Variants in NLGN4X observed in about 807,000 individuals in gnomAD.
NLGN4X encodes neuroligin-4, X-linked.
In NLGN4X, 3 loss-of-function variants were observed where a neutral mutation model predicts 40.3. That is an observed-to-expected ratio of 0.07 (90% CI 0.03 to 0.19). The LOEUF is 0.19. Among genes scored for constraint, NLGN4X ranks in the 10% least tolerant of loss-of-function variants. NLGN4X has a pLI of 1.00. For synonymous variants in NLGN4X, 270 were observed against 306.8 expected (o/e 0.88, Z 1.25); for missense variants, 382 against 708.3 (o/e 0.54, Z 5.23).
chrX:6,105,495 G>A (rs186863343), intron 2 of NLGN4X, among the ~76,000 whole-genome samples: 154 of 112,010 alleles, frequency 1.4e-3, no homozygotes, highest in African/African-American at 4.5e-3. Flanking sequence ...GTGAACAAAC[G>A]TAGGTGGGTT....
chrX:6,013,563 G>A (rs1015352240), intron 3 of NLGN4X, among the ~76,000 whole-genome samples: 10 of 111,395 alleles, frequency 9.0e-5, no homozygotes, highest in African/African-American at 2.0e-4. Context: ...GACCACAGCC[G>A]TCAAGGACCT....
intron 3 of NLGN4X, among the ~76,000 whole-genome samples, chrX:5,975,418 C>T (rs1220593436): frequency 9.1e-6 from 1 of 109,804 alleles, no homozygotes; most frequent in East Asian, 2.9e-4. Flanking sequence ...TGAGAGCAGG[C>T]TGGCCAACTT....
rs757092740 is a variant in NLGN4X, at chrX:6,057,668, T to A, written c.473-28236A>T. Among the ~76,000 whole-genome samples the A allele has an allele frequency of 1.3e-3, 149 of 112,095 alleles. 1 individual carries two copies. Among genetic ancestry groups the A allele is most frequent in the Non-Finnish European group, 2.4e-3 (129 of 53,182 alleles). ...ATGCTGTGGTCATTGTTACAGACAA[T>A]TAGGCTAATTTAGCTTGATAAATCT... On this transcript the variant is annotated intron_variant, in intron 2 of 5. Coordinates refer to ENST00000381095, the MANE Select transcript of NLGN4X (RefSeq NM_181332.3).
intron 3 of NLGN4X, among the ~76,000 whole-genome samples, chrX:5,934,865 C>T (rs1009061262): frequency 4.5e-5 from 5 of 111,973 alleles, no homozygotes. Context: ...ATGTAGTCCA[C>T]AAATCAAGGA....
chrX:6,050,809 A>ATCT (rs397952476), intron 2 of NLGN4X, among the ~76,000 whole-genome samples: 29 of 110,874 alleles, frequency 2.6e-4, no homozygotes, highest in African/African-American at 4.3e-4. Flanking sequence ...CTATCTATCT[A>ATCT]ACTATCTATA....
chrX:6,183,983 CAGTT>C (rs1295239057), intron 1 of NLGN4X, among the ~76,000 whole-genome samples: 12 of 112,336 alleles, frequency 1.1e-4, no homozygotes, highest in Non-Finnish European at 2.1e-4. Context: ...TATTCACTCT[CAGTT>C]AATTAACTGA....
At chrX:5,898,651 TC>T (rs889071989) in intron 5 of NLGN4X, among the ~76,000 whole-genome samples, 5 of 111,059 alleles carry the variant, frequency 4.5e-5, no homozygotes, top group African/African-American at 1.6e-4. Flanking sequence ...TGCGATCCTT[TC>T]TCCACGGCAC....
intron 1 of NLGN4X, among the ~76,000 whole-genome samples, chrX:6,157,370 A>G (rs991170011): frequency 8.9e-6 from 1 of 112,096 alleles, no homozygotes; most frequent in African/African-American, 3.2e-5. Flanking sequence ...GAATTGGATA[A>G]GAGGATATTC....
intron 2 of NLGN4X, among the ~76,000 whole-genome samples, chrX:6,100,316 T>C (rs142876565): frequency 2.5e-3 from 287 of 112,698 alleles, no homozygotes; most frequent in African/African-American, 8.7e-3. Flanking sequence ...AGATTTTGTT[T>C]TGGCCAGTTT....
chrX:6,067,246 C>T (rs150641974), intron 2 of NLGN4X, among the ~76,000 whole-genome samples: 2 of 111,546 alleles, frequency 1.8e-5, no homozygotes, highest in Non-Finnish European at 3.8e-5. Flanking sequence ...GTGAATGATG[C>T]CTTCTTATGT....
Position 6,116,305 on chromosome X carries a change from A to AAAAAAAAAAC in NLGN4X, c.472+34689_472+34690insGTTTTTTTTT, listed in dbSNP as rs2039286859. ...GAGACTCTGTCAAAAAAAAAAAAAA[A>AAAAAAAAAAC]AAAAAAAAAAAACACTGTGAAAGAG... is the stretch of plus-strand genomic sequence containing the variant. On this transcript the variant is annotated intron_variant, in intron 2 of 5. Transcript: ENST00000381095. Among the ~76,000 whole-genome samples, 3 of 101,289 alleles carry AAAAAAAAAAC rather than the reference A, an allele frequency of 3.0e-5. 1 individual carries two copies. The highest frequency in any genetic ancestry group is 6.0e-5 in the Non-Finnish European group (3 of 50,204). 88.0% of individuals were successfully genotyped at this position (101,289 alleles called of 115,157 possible).
chrX:6,036,033 G>A (rs1381791514), intron 2 of NLGN4X, among the ~76,000 whole-genome samples: 1 of 111,455 alleles, frequency 9.0e-6, no homozygotes, highest in Non-Finnish European at 1.9e-5. Context: ...GTGAATTTTC[G>A]ACTGTGCAGG....
chrX:6,192,339 G>A (rs1922619108), intron 1 of NLGN4X, among the ~76,000 whole-genome samples: 1 of 110,648 alleles, frequency 9.0e-6, no homozygotes, highest in Non-Finnish European at 1.9e-5. Context: ...TGTGGCCCAG[G>A]CTGGTCTCGA....
At chrX:5,923,734 G>A (rs1197681831) in intron 3 of NLGN4X, among the ~76,000 whole-genome samples, 2 of 111,766 alleles carry the variant, frequency 1.8e-5, no homozygotes. Flanking sequence ...AATTCAAGAC[G>A]AGATTTGGGT....
chrX:6,068,911 A>T (rs1175362447), intron 2 of NLGN4X, among the ~76,000 whole-genome samples: 1 of 112,618 alleles, frequency 8.9e-6, no homozygotes, highest in Non-Finnish European at 1.9e-5. Context: ...GGTGCTAGAG[A>T]AGATGTCTGA....
At chrX:5,992,577 AC>A (rs1486837096) in intron 3 of NLGN4X, among the ~76,000 whole-genome samples, 1 of 111,624 alleles carries the variant, frequency 9.0e-6, no homozygotes, top group Non-Finnish European at 1.9e-5. Flanking sequence ...CTCCAGTCTA[AC>A]AGAGCAAGAC....
chrX:5,993,155 C>G (rs1222191146), intron 3 of NLGN4X, among the ~76,000 whole-genome samples: 1 of 110,573 alleles, frequency 9.0e-6, no homozygotes, highest in Admixed American at 9.7e-5. Flanking sequence ...GTGGGCTGTC[C>G]TCTGCATTGC....
chrX:6,206,163 G>A (rs1924018419), intron 1 of NLGN4X, among the ~76,000 whole-genome samples: 1 of 111,405 alleles, frequency 9.0e-6, no homozygotes, highest in African/African-American at 3.3e-5. Flanking sequence ...GTGACATGGA[G>A]CAGTGGAGTC....
chrX:6,154,754 T>C lies in NLGN4X; in HGVS notation c.-305-2983A>G, dbSNP rs776074173. On this transcript the variant is annotated intron_variant, in intron 1 of 5. Transcript: ENST00000381095. The stretch of plus-strand genomic sequence containing the variant: ...GAGTGAAGAAGGGCTATATAGCATG[T>C]ATTCTCTGCAAAGACTGCATAAAAT... Among the ~76,000 whole-genome samples the C allele has an allele frequency of 1.3e-4, 15 of 112,151 alleles. No homozygotes were observed. In the East Asian group the frequency reaches 3.9e-3, roughly 29 times the overall value.
Sources: allele counts gnomAD v4.1 joint callset (sites outside exome capture counted in the v4.1 genomes callset), GRCh38; gene constraint gnomAD v4.1.1; transcripts MANE v1.5; gene names NCBI Gene and HGNC (gene_info 2026-07-23, HGNC 2026-07-21).